The following RGP1 variants were observed in gnomAD, a reference collection of about 807,000 sequenced individuals.
RGP1 encodes the protein RAB6A-GEF complex partner protein 2.
In RGP1, 28 loss-of-function variants were observed where a neutral mutation model predicts 44.5. That is an observed-to-expected ratio of 0.63 (90% CI 0.47 to 0.86). The LOEUF is 0.86. RGP1 is among the 40% of genes least tolerant of loss of function. The pLI is 0.00. For missense variants in RGP1, 417 were observed against 490.7 expected (o/e 0.85, Z 1.42); for synonymous variants, 212 against 196.7 (o/e 1.08, Z -0.65).
the RGP1 span, among the ~76,000 whole-genome samples, chr9:35,774,246 G>C: frequency 2.0e-5 from 3 of 152,126 alleles, no homozygotes; most frequent in Non-Finnish European, 4.4e-5. Context: ...TCAGCACCTT[G>C]CTCCCCCATG....
intron 8 of RGP1, 89 bp downstream of exon 8, chr9:35,752,234 CACACTCCCAG>C (rs1827278348): frequency 1.6e-6 from 2 of 1,275,266 alleles, no homozygotes; most frequent in Non-Finnish European, 2.1e-6. Flanking sequence ...ATTCCTTATA[CACACTCCCAG>C]ACATACCCAC....
At chr9:35,768,446 T>C in the RGP1 span, among the ~76,000 whole-genome samples, 2 of 152,190 alleles carry the variant, frequency 1.3e-5, no homozygotes, top group African/African-American at 4.8e-5. Flanking sequence ...GCATTCCCTA[T>C]GTGCAACAGG....
chr9:35,763,296 A>G (rs1394919589), downstream of RGP1, among the ~76,000 whole-genome samples: 1 of 152,200 alleles, frequency 6.6e-6, no homozygotes, highest in Admixed American at 6.5e-5. Flanking sequence ...AGCATTCTTT[A>G]GGATCCTCAT....
the RGP1 span, chr9:35,780,366 A>C: frequency 6.6e-6 from 1 of 152,162 alleles, no homozygotes; most frequent in Non-Finnish European, 1.5e-5. Context: ...AAGGGAGCAG[A>C]GTGTTATGGA....
In RGP1 at chr9:35,755,505, GA is replaced by G. The variant is rs1444458161; in HGVS notation, c.*2635del. ...TTTGGTACCAGGGACCGGTTTTGTGGAAAACAATTTTTCCACCAGTGGATGG... is the reference window on the plus strand; with the variant it reads ...TTTGGTACCAGGGACCGGTTTTGTGGAAACAATTTTTCCACCAGTGGATGG... On this transcript the variant is annotated 3_prime_UTR_variant, in exon 9 of 9. Coordinates refer to ENST00000378078, the MANE Select transcript of RGP1 (RefSeq NM_001080496.3). 6.6e-6 allele frequency: 1 copy of G among 152,262 alleles called. No individual in the cohort carries two copies. Among genetic ancestry groups the G allele is most frequent in the Non-Finnish European group, 1.5e-5 (1 of 68,094 alleles). The allele number at this position is 152,262 out of a possible 1,614,324, so 9.4% of individuals were successfully genotyped here.
chr9:35,767,217 T>A, the RGP1 span, among the ~76,000 whole-genome samples: 3 of 152,058 alleles, frequency 2.0e-5, no homozygotes, highest in South Asian at 2.1e-4. Flanking sequence ...AATGATCTCA[T>A]GTTCCTGTTA....
At chr9:35,781,329 C>T in the RGP1 span, among the ~76,000 whole-genome samples, 1 of 147,978 alleles carries the variant, frequency 6.8e-6, no homozygotes, top group Admixed American at 7.0e-5. Flanking sequence ...AGGCTAGTGG[C>T]TCTGAACAGC....
At position 35,749,701 on chromosome 9, in the gene RGP1, A is replaced by T; in HGVS notation, c.-19-36A>T. ...CTCACCGCAACGCCCCTCCCTGTCAAGGTGCTGACCTCCGCCCCGCCTTGT... is the reference window on the plus strand; with the variant it reads ...CTCACCGCAACGCCCCTCCCTGTCATGGTGCTGACCTCCGCCCCGCCTTGT... On this transcript the variant is annotated intron_variant, in intron 1 of 8. Transcript: ENST00000378078. The surrounding 1 kb of genome is among the most constrained non-coding windows in gnomAD (Gnocchi z 4.4). The T allele has an allele frequency of 7.7e-7, 1 of 1,300,876 alleles. No individual in the cohort carries two copies. Among genetic ancestry groups the T allele is most frequent in the Non-Finnish European group, 1.1e-6 (1 of 904,630 alleles). The allele number at this position is 1,300,876 out of a possible 1,614,324, so 80.6% of individuals were successfully genotyped here.
rs1827359987 is a variant in RGP1 at position 35,756,479 on chromosome 9, T to C, written c.*3605T>C. 6.6e-6 allele frequency: 1 copy of C among 152,554 alleles called. No individual in the cohort carries two copies. The highest frequency in any genetic ancestry group is 6.5e-5 in the Admixed American group (1 of 15,290). 9.5% of individuals were successfully genotyped at this position (152,554 alleles called of 1,614,324 possible). A position where few individuals can be genotyped will look rare whatever the true frequency, so the allele number is the denominator to read the frequency against. Reference sequence around the variant, plus strand: ...TGATACCCTTTCCGTTTCAGAGGATTGCCAAGAAAAAACTCACAGTTGAGG... The same window carrying C: ...TGATACCCTTTCCGTTTCAGAGGATCGCCAAGAAAAAACTCACAGTTGAGG... On this transcript the variant is annotated 3_prime_UTR_variant, in exon 9 of 9. Transcript: ENST00000378078.
downstream of RGP1, among the ~76,000 whole-genome samples, chr9:35,760,721 C>T (rs114324321): frequency 5.4e-3 from 823 of 151,242 alleles, 9 homozygotes; most frequent in African/African-American, 0.019. Context: ...TACCTTCCCA[C>T]CCCCAACCAG....
the RGP1 span, among the ~76,000 whole-genome samples, chr9:35,775,833 A>T: frequency 1.3e-5 from 2 of 152,152 alleles, no homozygotes; most frequent in Non-Finnish European, 2.9e-5. Flanking sequence ...TGATGGTGGG[A>T]TGTAGTTCAA....
At chr9:35,771,058 A>G in the RGP1 span, among the ~76,000 whole-genome samples, 6 of 152,054 alleles carry the variant, frequency 3.9e-5, no homozygotes, top group African/African-American at 1.4e-4. Context: ...TAGAAGCTGA[A>G]CTTAATTTTT....
At chr9:35,771,442 T>C in the RGP1 span, among the ~76,000 whole-genome samples, 11 of 152,238 alleles carry the variant, frequency 7.2e-5, no homozygotes, top group Admixed American at 6.5e-4. Context: ...TTAGTAGTTC[T>C]ACCCTTCAGT....
chr9:35,779,350 G>A, the RGP1 span, among the ~76,000 whole-genome samples: 6 of 152,114 alleles, frequency 3.9e-5, no homozygotes, highest in Non-Finnish European at 8.8e-5. Flanking sequence ...GAGTATGAAA[G>A]AGATCTACAT....
At chr9:35,789,762 T>C in the RGP1 span, among the ~76,000 whole-genome samples, 1 of 152,186 alleles carries the variant, frequency 6.6e-6, no homozygotes, top group African/African-American at 2.4e-5. Flanking sequence ...AGCACAGCTT[T>C]CTACAGTAAG....
At position 35,749,351 on chromosome 9, in the gene RGP1, C is replaced by T. The variant is rs751907654; in HGVS notation, c.-77C>T. On this transcript the variant is annotated 5_prime_UTR_variant, in exon 1 of 9. Transcript: ENST00000378078. The surrounding 1 kb of genome is among the most constrained non-coding windows in gnomAD (Gnocchi z 4.4). ...CCGCCGCCGCGTACCTAGCCAGGTC[C>T]CTGAGGGGCGGGCAGATGAGGCCTA... 2 of 538,442 alleles carry T rather than the reference C, an allele frequency of 3.7e-6. No homozygotes were observed. Among genetic ancestry groups the T allele is most frequent in the South Asian group, 2.8e-5 (2 of 72,012 alleles). The allele number at this position is 538,442 out of a possible 1,614,324, so 33.4% of individuals were successfully genotyped here.
Position 35,757,728 on chromosome 9 carries a change from CAGGT to C in RGP1, c.*4857_*4860del. On this transcript the variant is annotated 3_prime_UTR_variant, in exon 9 of 9. Coordinates refer to ENST00000378078, the MANE Select transcript of RGP1 (RefSeq NM_001080496.3). Reference sequence around the variant, plus strand: ...TACATTTTGGGATTATTTGGTCTCACAGGTAGAAGGGAGCCTGCTGGTCTCTGTG... The same window carrying C: ...TACATTTTGGGATTATTTGGTCTCACAGAAGGGAGCCTGCTGGTCTCTGTG... 1 of 152,306 alleles carries C rather than the reference CAGGT, an allele frequency of 6.6e-6. No homozygotes were observed. Among genetic ancestry groups the C allele is most frequent in the Non-Finnish European group, 1.5e-5 (1 of 68,052 alleles). The allele number at this position is 152,306 out of a possible 1,614,324, so 9.4% of individuals were successfully genotyped here.
chr9:35,761,699 A>G (rs929107847), downstream of RGP1, among the ~76,000 whole-genome samples: 1 of 151,688 alleles, frequency 6.6e-6, no homozygotes, highest in African/African-American at 2.4e-5. Context: ...CAAACAAAAA[A>G]CCCCAAAAAA....
chr9:35,750,769 G>A (rs1270716588), intron 4 of RGP1, 28 bp downstream of exon 4: 2 of 1,613,798 alleles, frequency 1.2e-6, no homozygotes, highest in Non-Finnish European at 1.7e-6. Flanking sequence ...TCCCTGAATT[G>A]CCTTCTAAGT....
Sources: allele counts gnomAD v4.1 joint callset (sites outside exome capture counted in the v4.1 genomes callset), GRCh38; gene constraint gnomAD v4.1.1; non-coding constraint Gnocchi (gnomAD v3.1); transcripts MANE v1.5; gene names NCBI Gene and HGNC (gene_info 2026-07-23, HGNC 2026-07-21).